Variants in FAM200B observed in about 807,000 individuals in gnomAD.
FAM200B encodes the protein zinc finger BED-type containing 11.
In FAM200B, 32 loss-of-function variants were observed where a neutral mutation model predicts 33.1. The ratio of observed to expected loss-of-function variants is 0.97; its 90% CI spans 0.73 to 1.30. The LOEUF is 1.30. FAM200B is among the 50% of genes most tolerant of loss of function. The pLI is 0.00. For synonymous variants in FAM200B, 240 were observed against 264.8 expected (o/e 0.91, Z 0.91); for missense variants, 741 against 754.0 (o/e 0.98, Z 0.20).
At chr4:15,665,853 A>C in the FAM200B span, among the ~76,000 whole-genome samples, 4 of 152,162 alleles carry the variant, frequency 2.6e-5, no homozygotes, top group Admixed American at 1.3e-4. Context: ...TCCGATGATT[A>C]GTGTACCTGC....
At chr4:15,656,982 G>A in the FAM200B span, among the ~76,000 whole-genome samples, 4 of 152,296 alleles carry the variant, frequency 2.6e-5, no homozygotes, top group African/African-American at 9.6e-5. Context: ...GGGATACAGA[G>A]ATGGCTTATT....
At chr4:15,646,357 A>G in the FAM200B span, among the ~76,000 whole-genome samples, 1 of 128,886 alleles carries the variant, frequency 7.8e-6, no homozygotes, top group Non-Finnish European at 1.7e-5. Flanking sequence ...TTGGTTAAAT[A>G]CATATTATAG....
At chr4:15,680,637 C>G (rs996204422), upstream of FAM200B, among the ~76,000 whole-genome samples, 26 of 152,020 alleles carry the variant, frequency 1.7e-4, no homozygotes, top group African/African-American at 6.3e-4. Flanking sequence ...GGCTGCGCCA[C>G]TGCACTCCAG....
chr4:15,651,970 T>C, the FAM200B span, among the ~76,000 whole-genome samples: 1 of 152,170 alleles, frequency 6.6e-6, no homozygotes, highest in Non-Finnish European at 1.5e-5. Context: ...TATACCCTAT[T>C]TGGATTTCCA....
At chr4:15,645,506 CAG>C in the FAM200B span, among the ~76,000 whole-genome samples, 2 of 152,128 alleles carry the variant, frequency 1.3e-5, no homozygotes, top group Non-Finnish European at 2.9e-5. Context: ...CAGCTCACTG[CAG>C]ACTCTGCCTC....
chr4:15,668,158 AG>A, the FAM200B span, among the ~76,000 whole-genome samples: 1 of 151,946 alleles, frequency 6.6e-6, no homozygotes, highest in Non-Finnish European at 1.5e-5. Flanking sequence ...TAATGTGTGA[AG>A]GATTTCATCT....
the FAM200B span, among the ~76,000 whole-genome samples, chr4:15,659,279 T>C: frequency 6.6e-6 from 1 of 152,218 alleles, no homozygotes; most frequent in South Asian, 2.1e-4. Context: ...TTGAAAAGTT[T>C]TTACAAACCA....
At chr4:15,639,664 C>T in the FAM200B span, among the ~76,000 whole-genome samples, 2 of 152,140 alleles carry the variant, frequency 1.3e-5, no homozygotes, top group African/African-American at 4.8e-5. Context: ...AAACACTGGT[C>T]AGTCTAGAAA....
chr4:15,689,050 G>C lies in FAM200B; in HGVS notation c.*99G>C. On this transcript the variant is annotated 3_prime_UTR_variant, in exon 2 of 2. Coordinates refer to ENST00000422728, the MANE Select transcript of FAM200B (RefSeq NM_001145191.2). ...GGTACTATAATACTGTGATACTTTT[G>C]TTATGTTTTAATTTTTGTTATATTT... The C allele has an allele frequency of 4.5e-6, 4 of 894,568 alleles. No homozygotes were observed. Among genetic ancestry groups the C allele is most frequent in the Non-Finnish European group, 6.1e-6 (4 of 659,654 alleles). The allele number at this position is 894,568 out of a possible 1,614,324, so 55.4% of individuals were successfully genotyped here.
chr4:15,682,114 C>T (rs1718352008), intron 1 of FAM200B: 1 of 152,338 alleles, frequency 6.6e-6, no homozygotes, highest in Non-Finnish European at 1.5e-5. Context: ...TAGCTGGGTC[C>T]CTGGAGGACG....
the FAM200B span, among the ~76,000 whole-genome samples, chr4:15,654,149 C>A: frequency 6.6e-5 from 10 of 152,158 alleles, no homozygotes; most frequent in Non-Finnish European, 1.3e-4. Flanking sequence ...TATGAAACAC[C>A]CCTCTTTTCT....
At chr4:15,659,945 G>A in the FAM200B span, 1 of 152,982 alleles carries the variant, frequency 6.5e-6, no homozygotes, top group East Asian at 1.9e-4. Context: ...GAAATGATAA[G>A]TTCCTGTAAA....
chr4:15,688,343 C>T lies in FAM200B; in HGVS notation c.1366C>T (p.His456Tyr). ...GGGGAAAAACAGTGATGTATTCCAACATGTTGAACGTATCCAGGGATTTCG... is the reference window on the plus strand; with the variant it reads ...GGGGAAAAACAGTGATGTATTCCAATATGTTGAACGTATCCAGGGATTTCG... ...LQGKNSDVFQ[H>Y]VERIQGFRKT... Residue 456 changes from histidine (H) to tyrosine (Y), a missense_variant, in exon 2 of 2, where the codon CAT (histidine) becomes TAT (tyrosine). His to Tyr is a moderately conservative substitution (Grantham distance 83). Coordinates refer to ENST00000422728, the MANE Select transcript of FAM200B (RefSeq NM_001145191.2). 3 of 1,550,000 alleles carry T rather than the reference C, an allele frequency of 1.9e-6. No individual in the cohort carries two copies. Among genetic ancestry groups the T allele is most frequent in the Non-Finnish European group, 2.6e-6 (3 of 1,145,580 alleles).
At chr4:15,644,272 T>C in the FAM200B span, among the ~76,000 whole-genome samples, 2 of 152,160 alleles carry the variant, frequency 1.3e-5, no homozygotes, top group African/African-American at 2.4e-5. Context: ...TCCCTACTTG[T>C]CCTTACTGTA....
the FAM200B span, among the ~76,000 whole-genome samples, chr4:15,676,281 A>T: frequency 6.6e-6 from 1 of 152,238 alleles, no homozygotes; most frequent in Non-Finnish European, 1.5e-5. Flanking sequence ...GAAGTAGTCA[A>T]ACCTGAACCT....
chr4:15,677,492 A>G (rs1160041637), upstream of FAM200B, among the ~76,000 whole-genome samples: 1 of 152,198 alleles, frequency 6.6e-6, no homozygotes, highest in Admixed American at 6.5e-5. Context: ...TGTTTACAGG[A>G]TTAAAACTTT....
chr4:15,637,724 A>C, the FAM200B span, among the ~76,000 whole-genome samples: 1 of 152,188 alleles, frequency 6.6e-6, no homozygotes, highest in Non-Finnish European at 1.5e-5. Flanking sequence ...GATTAATTAT[A>C]GCTTAACTTG....
chr4:15,685,275 T>C (rs924143188), intron 1 of FAM200B, among the ~76,000 whole-genome samples: 1 of 152,168 alleles, frequency 6.6e-6, no homozygotes, highest in Non-Finnish European at 1.5e-5. Flanking sequence ...CATGGCACCT[T>C]ACACCATGCA....
chr4:15,639,333 T>C, the FAM200B span, among the ~76,000 whole-genome samples: 2 of 152,210 alleles, frequency 1.3e-5, no homozygotes, highest in Non-Finnish European at 2.9e-5. Context: ...CTTCTGGTAC[T>C]AGAGTAACTG....
Sources: allele counts gnomAD v4.1 joint callset (sites outside exome capture counted in the v4.1 genomes callset), GRCh38; gene constraint gnomAD v4.1.1; transcripts MANE v1.5; gene names NCBI Gene and HGNC (gene_info 2026-07-23, HGNC 2026-07-21).